The following ALDH2 variants were observed in gnomAD, a reference collection of about 807,000 sequenced individuals.
ALDH2 encodes aldehyde dehydrogenase 2 family member, also known as aldehyde dehydrogenase, mitochondrial.
A neutral mutation model predicts 59.6 loss-of-function variants in ALDH2; 44 were observed. That is an observed-to-expected ratio of 0.74 (90% CI 0.58 to 0.95). The LOEUF is 0.95. ALDH2 is among the 40% of genes least tolerant of loss of function. ALDH2 has a pLI of 0.00. For missense variants in ALDH2, 570 were observed against 696.3 expected (o/e 0.82, Z 2.04); for synonymous variants, 291 against 284.0 (o/e 1.02, Z -0.25).
intron 12 of ALDH2, among the ~76,000 whole-genome samples, chr12:111,807,119 C>T (rs1398132480): frequency 6.6e-6 from 1 of 151,942 alleles, no homozygotes; most frequent in Non-Finnish European, 1.5e-5. Flanking sequence ...AAAAATTAGC[C>T]AGGCGTGGTG....
At chr12:111,807,505 A>G (rs1260226958) in intron 12 of ALDH2, among the ~76,000 whole-genome samples, 1 of 152,146 alleles carries the variant, frequency 6.6e-6, no homozygotes, top group Non-Finnish European at 1.5e-5. Flanking sequence ...GTCCAACTTC[A>G]GTTGGTGAGT....
chr12:111,798,281 C>T (rs377171183), intron 10 of ALDH2, 39 bp downstream of exon 10: 102 of 1,516,194 alleles, frequency 6.7e-5, no homozygotes, highest in Admixed American at 2.7e-4. Context: ...ACATTCTTGG[C>T]GGGAGGTGAG....
rs562838090 is a variant in ALDH2, at chr12:111,799,415, C to T, written c.1249-491C>T. 2.6e-5 allele frequency among the ~76,000 whole-genome samples: 4 copies of T among 152,160 alleles called. No individual in the cohort carries two copies. The East Asian group carries it at 7.8e-4, about 30-fold the overall frequency. Reference sequence around the variant, plus strand: ...CTCCTGACCTCAGGTGATCCACCTGCCTCAGCCTCCCAAAATGCTGGGATT... The same window carrying T: ...CTCCTGACCTCAGGTGATCCACCTGTCTCAGCCTCCCAAAATGCTGGGATT... On this transcript the variant is annotated intron_variant, in intron 10 of 12. Transcript: ENST00000261733.
At position 111,783,118 on chromosome 12, in the gene ALDH2, G is replaced by C. The variant is rs779592656; in HGVS notation, c.220-40G>C. On this transcript the variant is annotated intron_variant, in intron 2 of 12. Coordinates refer to ENST00000261733, the MANE Select transcript of ALDH2 (RefSeq NM_000690.4). ...GACCTGGTTATTACTGAGAAGACCT[G>C]AGTTTTCCAGGAAGGCTTGAGTTTT... The C allele has an allele frequency of 7.5e-6, 12 of 1,591,456 alleles. No individual in the cohort carries two copies. In the South Asian group the frequency reaches 1.3e-4, roughly 18 times the overall value.
At chr12:111,772,919 A>G (rs2068211697) in intron 1 of ALDH2, among the ~76,000 whole-genome samples, 1 of 149,514 alleles carries the variant, frequency 6.7e-6, no homozygotes, top group Non-Finnish European at 1.5e-5. Flanking sequence ...AGTGAGGCCT[A>G]GTGACAGAGT....
rs748413982 is a variant in ALDH2 at position 111,791,434 on chromosome 12, G to A, written c.795+15G>A. 14 of 1,591,180 alleles carry A rather than the reference G, an allele frequency of 8.8e-6. No individual in the cohort carries two copies. The highest frequency in any genetic ancestry group is 1.2e-5 in the Non-Finnish European group (14 of 1,162,476). Reference sequence around the variant, plus strand: ...GCTCCACTGAGGTAAGGTGACCCTGGCCTCAAGCTTGCAGCCTCCTTGGCC... The same window carrying A: ...GCTCCACTGAGGTAAGGTGACCCTGACCTCAAGCTTGCAGCCTCCTTGGCC... On this transcript the variant is annotated intron_variant, in intron 7 of 12. Coordinates refer to ENST00000261733, the MANE Select transcript of ALDH2 (RefSeq NM_000690.4).
intron 5 of ALDH2, 115 bp from the exon 6 acceptor site, chr12:111,790,319 C>G: frequency 7.3e-7 from 1 of 1,363,554 alleles, no homozygotes; most frequent in Non-Finnish European, 1.0e-6. Context: ...GGGGAGGACA[C>G]GCAGGGTTCA....
At chr12:111,799,832 G>C (rs2068434575) in intron 10 of ALDH2, 74 bp from the exon 11 acceptor site, 1 of 1,529,682 alleles carries the variant, frequency 6.5e-7, no homozygotes. Context: ...GGAATCATCT[G>C]TTCTGCTCTG....
At chr12:111,798,995 C>T (rs551145910) in intron 10 of ALDH2, among the ~76,000 whole-genome samples, 3 of 151,796 alleles carry the variant, frequency 2.0e-5, no homozygotes, top group South Asian at 2.1e-4. Context: ...GGCAACAGAG[C>T]GGGACTCTGT....
chr12:111,807,249 C>T (rs966280587), intron 12 of ALDH2, among the ~76,000 whole-genome samples: 2 of 151,506 alleles, frequency 1.3e-5, no homozygotes. Flanking sequence ...GGAGACAGAG[C>T]GAGACTCTGT....
At chr12:111,776,874 A>G (rs1321382642) in intron 1 of ALDH2, among the ~76,000 whole-genome samples, 1 of 152,000 alleles carries the variant, frequency 6.6e-6, no homozygotes, top group African/African-American at 2.4e-5. Flanking sequence ...TAGTAGAGAC[A>G]GGGTTTCACC....
chr12:111,791,501 G>A, intron 7 of ALDH2, 82 bp downstream of exon 7: 4 of 1,075,664 alleles, frequency 3.7e-6, no homozygotes, highest in Non-Finnish European at 5.6e-6. Context: ...CTCAAGGTGA[G>A]CTCCCGGGTG....
intron 11 of ALDH2, among the ~76,000 whole-genome samples, chr12:111,801,043 G>T (rs2136024961): frequency 6.6e-6 from 1 of 152,350 alleles, no homozygotes; most frequent in African/African-American, 2.4e-5. Context: ...TAAAGACATT[G>T]CAGAGACCGG....
chr12:111,772,991 G>A (rs1032387594), intron 1 of ALDH2, among the ~76,000 whole-genome samples: 2 of 151,222 alleles, frequency 1.3e-5, no homozygotes, highest in Non-Finnish European at 2.9e-5. Context: ...GGGTGTGGTG[G>A]CTCATGCCTG....
In ALDH2 at chr12:111,792,702, T is replaced by A; in HGVS notation, c.1003T>A (p.Phe335Ile). 6.2e-7 allele frequency: 1 copy of A among 1,600,358 alleles called. No individual in the cohort carries two copies. The highest frequency in any genetic ancestry group is 8.5e-7 in the Non-Finnish European group (1 of 1,174,068). Residue 335 changes from phenylalanine (F) to isoleucine (I), a missense_variant, in exon 9 of 13, where the codon TTT becomes ATT. Physicochemically the swap from Phe to Ile is conservative, Grantham distance 21. Coordinates refer to ENST00000261733, the MANE Select transcript of ALDH2 (RefSeq NM_000690.4). The part of the protein sequence containing the change: ...TFVQEDIYDE[F>I]VERSVARAKS... ...CGTGCAGGAGGACATCTATGATGAG[T>A]TTGTGGAGCGGAGCGTTGCCCGGGC...
intron 1 of ALDH2, among the ~76,000 whole-genome samples, chr12:111,772,494 A>G (rs1264755110): frequency 4.0e-5 from 6 of 151,132 alleles, no homozygotes; most frequent in Non-Finnish European, 7.4e-5. Flanking sequence ...CCTCCTGAGT[A>G]GCTGGGATTA....
chr12:111,805,835 C>T (rs1257399298), intron 12 of ALDH2, among the ~76,000 whole-genome samples: 10 of 138,416 alleles, frequency 7.2e-5, no homozygotes, highest in African/African-American at 2.2e-4. Flanking sequence ...CCATCCTGGC[C>T]AAGATAGTGA....
rs901488253 is a variant in ALDH2, at chr12:111,775,597, G to C, written c.115-6321G>C. ...TTTTGATAGAAAATCTTTATGTTTT[G>C]CCTACAGTCTAGATTGAAAATGTCA... On this transcript the variant is annotated intron_variant, in intron 1 of 12. Coordinates refer to ENST00000261733, the MANE Select transcript of ALDH2 (RefSeq NM_000690.4). 1.8e-5 allele frequency: 8 copies of C among 443,714 alleles called. No individual in the cohort carries two copies. In the Middle Eastern group the frequency reaches 1.3e-3, roughly 74 times the overall value. The allele number at this position is 443,714 out of a possible 1,614,324, so 27.5% of individuals were successfully genotyped here.
chr12:111,808,043 A>AT (rs530166721), intron 12 of ALDH2, among the ~76,000 whole-genome samples: 11 of 151,956 alleles, frequency 7.2e-5, no homozygotes, highest in Admixed American at 7.2e-4. Flanking sequence ...CACCTGGCTA[A>AT]TTTTTTGTAT....
Sources: allele counts gnomAD v4.1 joint callset (sites outside exome capture counted in the v4.1 genomes callset), GRCh38; gene constraint gnomAD v4.1.1; transcripts MANE v1.5; gene names NCBI Gene and HGNC (gene_info 2026-07-23, HGNC 2026-07-21).